OTOGL: variants seen among roughly 807,000 people sequenced by gnomAD.
OTOGL encodes the protein otogelin like.
Under a neutral mutation model 318.5 loss-of-function variants are expected in OTOGL, and 285 were observed. The ratio of observed to expected loss-of-function variants is 0.89; its 90% CI spans 0.81 to 0.99. The LOEUF (loss-of-function observed/expected upper bound fraction) is 0.99. Among genes scored for constraint, OTOGL ranks in the 50% least tolerant of loss-of-function variants. The pLI, the probability that OTOGL is intolerant of heterozygous loss-of-function variation, is 0.00. For synonymous variants in OTOGL, 987 were observed against 936.5 expected (o/e 1.05, Z -0.99); for missense variants, 2,899 against 2,845.6 (o/e 1.02, Z -0.43).
At chr12:80,304,512 G>C (rs759896562) in intron 28 of OTOGL, among the ~76,000 whole-genome samples, 1 of 151,992 alleles carries the variant, frequency 6.6e-6, no homozygotes, top group African/African-American at 2.4e-5. Flanking sequence ...CAAAAATACA[G>C]AAAAGATACA....
chr12:80,257,161 C>T (rs144693833), intron 17 of OTOGL, among the ~76,000 whole-genome samples: 66 of 152,172 alleles, frequency 4.3e-4, no homozygotes, highest in Non-Finnish European at 7.8e-4. Flanking sequence ...CACATGCTCA[C>T]GCTACACAGG....
chr12:80,353,307 G>T lies in OTOGL; in HGVS notation c.5408-18G>T. On this transcript the variant is annotated intron_variant, in intron 45 of 58. Transcript: ENST00000547103. ...GTTACTTTTATCATTAGCAAATTTT[G>T]TCTCCTATTCTTCAAAGCCCTGAGT... The T allele has an allele frequency of 7.3e-7, 1 of 1,363,532 alleles. No individual in the cohort carries two copies. The highest frequency in any genetic ancestry group is 9.6e-7 in the Non-Finnish European group (1 of 1,041,704). The allele number at this position is 1,363,532 out of a possible 1,614,324, so 84.5% of individuals were successfully genotyped here. A position where few individuals can be genotyped will look rare whatever the true frequency, so the allele number is the denominator to read the frequency against.
Position 80,356,926 on chromosome 12 carries a change from A to G in OTOGL, c.6019+12A>G, listed in dbSNP as rs375187068. ...TTCCCCTTTTTGTGGTGAGTATTGTAGAGATAATTTCTTGGAAGAAGAGAA... is the reference window on the plus strand; with the variant it reads ...TTCCCCTTTTTGTGGTGAGTATTGTGGAGATAATTTCTTGGAAGAAGAGAA... On this transcript the variant is annotated intron_variant, in intron 49 of 58. Coordinates refer to ENST00000547103, the MANE Select transcript of OTOGL (RefSeq NM_001378609.3). 9 of 1,502,462 alleles carry G rather than the reference A, an allele frequency of 6.0e-6. No individual in the cohort carries two copies. In the African/African-American group the frequency reaches 1.1e-4, roughly 19 times the overall value. The allele number at this position is 1,502,462 out of a possible 1,614,324, so 93.1% of individuals were successfully genotyped here.
At chr12:80,153,080 G>A (rs1485290492) in intron 1 of OTOGL, among the ~76,000 whole-genome samples, 1 of 152,198 alleles carries the variant, frequency 6.6e-6, no homozygotes, top group Non-Finnish European at 1.5e-5. Flanking sequence ...GAAAGATACA[G>A]AGATTTCCCA....
intron 44 of OTOGL, among the ~76,000 whole-genome samples, chr12:80,342,532 T>G (rs1009380820): frequency 5.3e-5 from 8 of 152,362 alleles, no homozygotes; most frequent in African/African-American, 1.9e-4. Context: ...GGCACATACT[T>G]GTAATAGAAT....
intron 26 of OTOGL, among the ~76,000 whole-genome samples, chr12:80,293,026 A>G (rs1885150431): frequency 6.6e-6 from 1 of 152,222 alleles, no homozygotes; most frequent in African/African-American, 2.4e-5. Context: ...ATATTGCAAA[A>G]TAAGAGTCAC....
intron 46 of OTOGL, among the ~76,000 whole-genome samples, chr12:80,354,520 C>T (rs188706310): frequency 2.6e-5 from 4 of 152,082 alleles, no homozygotes; most frequent in Non-Finnish European, 4.4e-5. Flanking sequence ...ATGGTGGTGG[C>T]AGATGAAAAA....
intron 52 of OTOGL, among the ~76,000 whole-genome samples, chr12:80,364,928 C>T (rs905678929): frequency 2.0e-5 from 3 of 151,990 alleles, no homozygotes; most frequent in African/African-American, 7.2e-5. Context: ...GATACCACTT[C>T]ACATCTTGCC....
chr12:80,154,537 C>T (rs1339983028), intron 1 of OTOGL, among the ~76,000 whole-genome samples: 1 of 152,102 alleles, frequency 6.6e-6, no homozygotes, highest in South Asian at 2.1e-4. Flanking sequence ...CCTCTTTGAA[C>T]TCCCCAAACT....
At chr12:80,327,775 T>C (rs969456453) in intron 35 of OTOGL, among the ~76,000 whole-genome samples, 9 of 151,060 alleles carry the variant, frequency 6.0e-5, no homozygotes, top group Admixed American at 1.3e-4. Flanking sequence ...CTGGCTAACA[T>C]GGTGAAACCC....
intron 4 of OTOGL, among the ~76,000 whole-genome samples, chr12:80,217,348 C>T (rs1334375213): frequency 6.6e-6 from 1 of 152,066 alleles, no homozygotes; most frequent in African/African-American, 2.4e-5. Flanking sequence ...AGAGAGCAGA[C>T]AAAGTAAATA....
intron 24 of OTOGL, among the ~76,000 whole-genome samples, chr12:80,275,236 T>A (rs1049055744): frequency 6.6e-6 from 1 of 151,892 alleles, no homozygotes; most frequent in Non-Finnish European, 1.5e-5. Flanking sequence ...GATTCATGGG[T>A]AGAGGTCAAA....
intron 52 of OTOGL, among the ~76,000 whole-genome samples, chr12:80,364,561 G>A (rs892240605): frequency 3.3e-5 from 5 of 152,090 alleles, no homozygotes; most frequent in South Asian, 4.1e-4. Context: ...TATTGCAGTC[G>A]TTCCTCATTT....
At chr12:80,356,756 C>A in intron 48 of OTOGL, 51 bp from the exon 49 acceptor site, 3 of 1,163,430 alleles carry the variant, frequency 2.6e-6, no homozygotes, top group South Asian at 1.6e-5. Context: ...AACACTATGT[C>A]ATTTTTTTAT....
chr12:80,239,310 G>T, intron 10 of OTOGL, 23 bp from the exon 11 acceptor site: 1 of 1,514,008 alleles, frequency 6.6e-7, no homozygotes. Context: ...ATAGTCTAGT[G>T]ACTGCCATCT....
At chr12:80,278,804 A>G (rs1303507342) in intron 25 of OTOGL, among the ~76,000 whole-genome samples, 1 of 151,560 alleles carries the variant, frequency 6.6e-6, no homozygotes, top group Non-Finnish European at 1.5e-5. Context: ...CCTATGCACA[A>G]TTCCTAGGCT....
At chr12:80,295,061 G>A (rs115073905) in intron 26 of OTOGL, among the ~76,000 whole-genome samples, 3,068 of 150,958 alleles carry the variant, frequency 0.02, 106 homozygotes, top group African/African-American at 0.071. Context: ...ATGCCACTGC[G>A]CTCCAGCAGC....
chr12:80,268,317 A>G (rs866932107), intron 22 of OTOGL, among the ~76,000 whole-genome samples: 1 of 150,896 alleles, frequency 6.6e-6, no homozygotes, highest in African/African-American at 2.5e-5. Flanking sequence ...ACTCATCACC[A>G]TAACCCTAAG....
chr12:80,208,881 G>T (rs562884827), intron 1 of OTOGL, among the ~76,000 whole-genome samples: 5 of 152,112 alleles, frequency 3.3e-5, no homozygotes, highest in Non-Finnish European at 7.4e-5. Flanking sequence ...CTTAAAAATA[G>T]ATGCACATAG....
Sources: gnomAD v4.1 joint callset for allele counts (sites outside exome capture counted in the v4.1 genomes callset) on GRCh38, gnomAD v4.1.1 for gene constraint, MANE v1.5 for transcripts, NCBI Gene and HGNC (gene_info 2026-07-23, HGNC 2026-07-21) for gene names.